Variants in PROM1 observed in about 807,000 individuals in gnomAD.
PROM1 encodes prominin-1.
PROM1 carries 105 observed loss-of-function variants against 116.9 expected under a neutral mutation model. That is an observed-to-expected ratio of 0.90 (90% CI 0.77 to 1.06). The LOEUF is 1.06. Among genes scored for constraint, PROM1 ranks in the 50% least tolerant of loss-of-function variants. The pLI is 0.00. For synonymous variants in PROM1, 393 were observed against 387.0 expected (o/e 1.02, Z -0.18); for missense variants, 1,122 against 1,045.2 (o/e 1.07, Z -1.01).
rs151127031 is a variant in PROM1, at chr4:16,069,127, C to T, written c.220+6560G>A. 8.8e-3 allele frequency among the ~76,000 whole-genome samples: 1,343 copies of T among 152,086 alleles called. 41 individuals are homozygous for T. Among genetic ancestry groups the T allele is most frequent in the East Asian group, 0.065 (335 of 5,158 alleles). On this transcript the variant is annotated intron_variant, in intron 2 of 27. Coordinates refer to ENST00000447510, the MANE Select transcript of PROM1 (RefSeq NM_006017.3). Reference sequence around the variant, plus strand: ...GCGCATGACTGTTATCCCAGCTACGCGGGAGGCTGAGGCAGGAGAATCACT... The same window carrying T: ...GCGCATGACTGTTATCCCAGCTACGTGGGAGGCTGAGGCAGGAGAATCACT...
intron 7 of PROM1, among the ~76,000 whole-genome samples, 161 bp from the exon 8 acceptor site, chr4:16,023,576 A>T: frequency 6.6e-6 from 1 of 152,082 alleles, no homozygotes; most frequent in South Asian, 2.1e-4. Flanking sequence ...ATTTCTCTTC[A>T]GGGTCTCCGC....
At chr4:16,036,258 C>T (rs892706313) in intron 3 of PROM1, among the ~76,000 whole-genome samples, 1 of 152,134 alleles carries the variant, frequency 6.6e-6, no homozygotes, top group African/African-American at 2.4e-5. Flanking sequence ...TTTAAATGTC[C>T]TTTCGTGGCA....
intron 6 of PROM1, 111 bp from the exon 7 acceptor site, chr4:16,024,469 AAC>A (rs1730729986): frequency 3.6e-6 from 3 of 841,868 alleles, no homozygotes; most frequent in Non-Finnish European, 5.4e-6. Flanking sequence ...ATTTTCAGGT[AAC>A]CAGCAAGTTC....
Position 15,987,734 on chromosome 4 carries a change from A to G in PROM1, c.2077-18T>C. The stretch of plus-strand genomic sequence containing the variant: ...AGAGTGCTCTGGCAAGAAACAGATA[A>G]TATTTCCAAAATTATTACATGAAGC... On this transcript the variant is annotated intron_variant, in intron 19 of 27. Coordinates refer to ENST00000447510, the MANE Select transcript of PROM1 (RefSeq NM_006017.3). 9 of 1,600,054 alleles carry G rather than the reference A, an allele frequency of 5.6e-6. No homozygotes were observed. The highest frequency in any genetic ancestry group is 7.7e-6 in the Non-Finnish European group (9 of 1,172,400).
chr4:16,005,977 G>A (rs4466038), intron 13 of PROM1, among the ~76,000 whole-genome samples: 31,642 of 152,192 alleles, frequency 0.21, 3,504 homozygotes, highest in Non-Finnish European at 0.25. Flanking sequence ...AGGGACAGTC[G>A]CTCCAGTCTT....
intron 1 of PROM1, among the ~76,000 whole-genome samples, chr4:16,081,910 TG>T (rs897712940): frequency 1.1e-4 from 8 of 75,416 alleles, no homozygotes; most frequent in African/African-American, 2.7e-4. Flanking sequence ...ATGGAACACA[TG>T]AAAAAAAAAA....
At chr4:16,065,109 A>G (rs970245395) in intron 2 of PROM1, among the ~76,000 whole-genome samples, 3 of 152,118 alleles carry the variant, frequency 2.0e-5, no homozygotes, top group African/African-American at 7.2e-5. Context: ...GGCCTCCTTC[A>G]TGTTGCTTTG....
chr4:15,982,605 C>T (rs1043273437), intron 23 of PROM1, among the ~76,000 whole-genome samples: 4 of 152,160 alleles, frequency 2.6e-5, no homozygotes, highest in Admixed American at 2.6e-4. Flanking sequence ...TGAGCAGCCT[C>T]TAGGCCTCCC....
rs113820099 is a variant in PROM1 at position 15,985,821 on chromosome 4, T to C, written c.2219A>G (p.Lys740Arg). 6 of 1,102,466 alleles carry C rather than the reference T, an allele frequency of 5.4e-6. No homozygotes were observed. The African/African-American group carries it at 7.5e-5, about 14-fold the overall frequency. 68.3% of individuals were successfully genotyped at this position (1,102,466 alleles called of 1,614,324 possible). A position where few individuals can be genotyped will look rare whatever the true frequency, so the allele number is the denominator to read the frequency against. The part of the protein sequence containing the change: ...NTSSVIIEET[K>R]KYGRTIIGYF... ...TCCTATTATTGTTCTCCCATACTTCTTAGTTTCCTGGAAAGAAACAAAAGA... is the reference window on the plus strand; with the variant it reads ...TCCTATTATTGTTCTCCCATACTTCCTAGTTTCCTGGAAAGAAACAAAAGA... Residue 740 changes from lysine (K) to arginine (R), a missense_variant, in exon 22 of 28, where the codon AAG (lysine) becomes AGG (arginine). Lys to Arg is a conservative substitution (Grantham distance 26, BLOSUM62 2). Coordinates refer to ENST00000447510, the MANE Select transcript of PROM1 (RefSeq NM_006017.3).
intron 6 of PROM1, 133 bp from the exon 7 acceptor site, chr4:16,024,491 T>C (rs1013547301): frequency 2.7e-5 from 18 of 677,018 alleles, no homozygotes; most frequent in East Asian, 5.7e-5. Context: ...CCTAGAAACC[T>C]TTCTGCTTTC....
intron 26 of PROM1, among the ~76,000 whole-genome samples, chr4:15,973,167 A>G (rs1196838608): frequency 6.6e-6 from 1 of 152,146 alleles, no homozygotes; most frequent in African/African-American, 2.4e-5. Context: ...TCCTACTTCT[A>G]TCTAAGAATC....
At chr4:16,058,081 G>A (rs908558063) in intron 2 of PROM1, among the ~76,000 whole-genome samples, 15 of 152,162 alleles carry the variant, frequency 9.9e-5, no homozygotes, top group Admixed American at 9.8e-4. Flanking sequence ...CTCACAAAGA[G>A]GAAACTGGGA....
chr4:15,979,949 T>A (rs1265519599), intron 24 of PROM1, 45 bp from the exon 25 acceptor site: 2 of 1,202,290 alleles, frequency 1.7e-6, no homozygotes, highest in African/African-American at 3.1e-5. Flanking sequence ...TTTTTAATTA[T>A]TATGAAAGCT....
rs767494089 is a variant in PROM1, at chr4:15,991,204, C to T, written c.1983+18G>A. The T allele has an allele frequency of 4.1e-5, 66 of 1,592,738 alleles. No individual in the cohort carries two copies. The highest frequency in any genetic ancestry group is 5.1e-5 in the Non-Finnish European group (60 of 1,166,848). ...ATCTACAACTACTACAGTATTTAAC[C>T]GGACGATTTGAACTCACCAAACTGT... On this transcript the variant is annotated intron_variant, in intron 18 of 27. Coordinates refer to ENST00000447510, the MANE Select transcript of PROM1 (RefSeq NM_006017.3).
At chr4:15,988,398 A>G (rs767229466) in intron 19 of PROM1, among the ~76,000 whole-genome samples, 45 of 152,244 alleles carry the variant, frequency 3.0e-4, no homozygotes, top group Non-Finnish European at 3.7e-4. Context: ...TTTATCTGTA[A>G]AACACCAGAG....
Position 15,980,186 on chromosome 4 carries a change from G to A in PROM1, c.2489+236C>T. On this transcript the variant is annotated intron_variant, in intron 24 of 27. Transcript: ENST00000447510. ...AGGAACTGCAAACAAGAAATAAAAA[G>A]GCTGGTTAGGGAAGCTGAGAGGATT... The A allele has an allele frequency of 8.3e-6, 5 of 602,886 alleles. No homozygotes were observed. The South Asian group carries it at 9.7e-5, about 12-fold the overall frequency. The allele number at this position is 602,886 out of a possible 1,614,324, so 37.3% of individuals were successfully genotyped here.
chr4:16,020,474 A>G (rs1352988877), intron 8 of PROM1, among the ~76,000 whole-genome samples: 3 of 152,170 alleles, frequency 2.0e-5, no homozygotes, highest in Non-Finnish European at 2.9e-5. Context: ...AGCAAAACAG[A>G]AAAGAACTCA....
intron 23 of PROM1, among the ~76,000 whole-genome samples, chr4:15,982,830 A>G (rs1434451978): frequency 6.6e-6 from 1 of 152,206 alleles, no homozygotes; most frequent in Non-Finnish European, 1.5e-5. Context: ...GCATCCAGGA[A>G]GCAGGGCCTA....
At chr4:15,996,108 T>A (rs550478559) in intron 15 of PROM1, among the ~76,000 whole-genome samples, 1 of 152,302 alleles carries the variant, frequency 6.6e-6, no homozygotes, top group East Asian at 1.9e-4. Context: ...ACAACCGAGG[T>A]GTTTCCATCA....
Sources: allele counts gnomAD v4.1 joint callset (sites outside exome capture counted in the v4.1 genomes callset), GRCh38; gene constraint gnomAD v4.1.1; transcripts MANE v1.5; gene names NCBI Gene and HGNC (gene_info 2026-07-23, HGNC 2026-07-21).